Variants in TMEM41B observed in about 807,000 individuals in gnomAD.
TMEM41B encodes the protein transmembrane protein 41B.
Under a neutral mutation model 31.9 loss-of-function variants are expected in TMEM41B, and 18 were observed. The observed-to-expected ratio is 0.56, with a 90% confidence interval of 0.39 to 0.84. The LOEUF is 0.84. Ranked by LOEUF, TMEM41B falls within the 40% of genes least tolerant of loss-of-function variation. TMEM41B has a pLI of 0.00. For synonymous variants in TMEM41B, 144 were observed against 124.3 expected (o/e 1.16, Z -1.05); for missense variants, 322 against 348.0 (o/e 0.93, Z 0.59).
intron 3 of TMEM41B, among the ~76,000 whole-genome samples, chr11:9,291,057 A>C (rs1852946894): frequency 6.6e-6 from 1 of 152,126 alleles, no homozygotes. Context: ...CAGACGTTGT[A>C]GTGAGCCGAG....
Position 9,283,364 on chromosome 11 carries a change from G to T in TMEM41B, c.*60C>A, listed in dbSNP as rs1852764470. 7.6e-7 allele frequency: 1 copy of T among 1,319,822 alleles called. No homozygotes were observed. The highest frequency in any genetic ancestry group is 1.0e-6 in the Non-Finnish European group (1 of 956,160). The allele number at this position is 1,319,822 out of a possible 1,614,324, so 81.8% of individuals were successfully genotyped here. On this transcript the variant is annotated 3_prime_UTR_variant, in exon 7 of 7. Coordinates refer to ENST00000528080, the MANE Select transcript of TMEM41B (RefSeq NM_015012.4). Reference sequence around the variant, plus strand: ...AAGAGGTGATTTTAAAACATAAATGGATGCACCTGTTAATCCTGAGATGGT... The same window carrying T: ...AAGAGGTGATTTTAAAACATAAATGTATGCACCTGTTAATCCTGAGATGGT...
intron 3 of TMEM41B, among the ~76,000 whole-genome samples, chr11:9,293,670 C>A (rs1285376559): frequency 6.6e-6 from 1 of 152,112 alleles, no homozygotes. Context: ...CAACCTCCAC[C>A]TCCTGGGTTC....
At position 9,302,817 on chromosome 11, in the gene TMEM41B, G is replaced by A. The variant is rs369630305; in HGVS notation, c.122-3116C>T. 9.1e-5 allele frequency among the ~76,000 whole-genome samples: 9 copies of A among 98,930 alleles called. 4 individuals carry two copies. The South Asian group carries it at 9.5e-4, about 10-fold the overall frequency. 64.9% of individuals were successfully genotyped at this position (98,930 alleles called of 152,430 possible). On this transcript the variant is annotated intron_variant, in intron 1 of 6. Transcript: ENST00000528080. ...ATCTGGCCCACTTTTACAAGTAAGA[G>A]GCCCAAAGAAGAAGGGTATACTATT...
At position 9,286,420 on chromosome 11, in the gene TMEM41B, G is replaced by C. The variant is rs748969765; in HGVS notation, c.706+35C>G. 1.9e-6 allele frequency: 3 copies of C among 1,588,410 alleles called. No individual in the cohort carries two copies. In the Admixed American group the frequency reaches 5.4e-5, roughly 29 times the overall value. ...CTGGACACTGTTAGATATGTACACAGTGAGCTCATACACAGCAAGAACCAG... is the reference window on the plus strand; with the variant it reads ...CTGGACACTGTTAGATATGTACACACTGAGCTCATACACAGCAAGAACCAG... On this transcript the variant is annotated intron_variant, in intron 6 of 6. Coordinates refer to ENST00000528080, the MANE Select transcript of TMEM41B (RefSeq NM_015012.4).
chr11:9,301,813 C>T, intron 1 of TMEM41B, among the ~76,000 whole-genome samples: 1 of 152,066 alleles, frequency 6.6e-6, no homozygotes, highest in East Asian at 1.9e-4. Context: ...TGGTGGAGGA[C>T]ACAGTAAGCC....
chr11:9,312,210 C>T (rs953644451), intron 1 of TMEM41B, among the ~76,000 whole-genome samples: 1 of 152,222 alleles, frequency 6.6e-6, no homozygotes, highest in Non-Finnish European at 1.5e-5. Flanking sequence ...CTTCCCTTCT[C>T]TTTACTTATC....
At chr11:9,297,895 T>C (rs1429839045) in intron 2 of TMEM41B, among the ~76,000 whole-genome samples, 2 of 150,230 alleles carry the variant, frequency 1.3e-5, no homozygotes, top group African/African-American at 4.9e-5. Flanking sequence ...ACCCACCCTG[T>C]CTCTACAAAA....
chr11:9,295,170 A>C, intron 3 of TMEM41B, 89 bp downstream of exon 3: 1 of 1,248,194 alleles, frequency 8.0e-7, no homozygotes, highest in Non-Finnish European at 1.0e-6. Context: ...AAATTTTAAA[A>C]GGAAAATAGT....
chr11:9,284,776 A>AAAAT (rs112683742), intron 6 of TMEM41B, among the ~76,000 whole-genome samples: 1 of 151,232 alleles, frequency 6.6e-6, no homozygotes, highest in South Asian at 2.1e-4. Context: ...AAGAGAAAAA[A>AAAAT]AAAGAAAGAA....
intron 1 of TMEM41B, chr11:9,311,546 C>T (rs1363895271): frequency 9.8e-6 from 12 of 1,222,870 alleles, no homozygotes; most frequent in Admixed American, 8.6e-5. Context: ...AATTGCCTTG[C>T]GGAGCTCCTG....
chr11:9,311,310 G>C, intron 1 of TMEM41B: 1 of 1,524,666 alleles, frequency 6.6e-7, no homozygotes, highest in Non-Finnish European at 9.0e-7. Context: ...AGAGGAGGAG[G>C]AATGCTTGCT....
At chr11:9,305,711 G>T (rs1400873290) in intron 1 of TMEM41B, among the ~76,000 whole-genome samples, 2 of 152,010 alleles carry the variant, frequency 1.3e-5, no homozygotes, top group Non-Finnish European at 2.9e-5. Flanking sequence ...CAATTAACTT[G>T]CCCCAGCCCA....
chr11:9,311,948 A>T (rs942026623), intron 1 of TMEM41B, among the ~76,000 whole-genome samples: 4 of 152,224 alleles, frequency 2.6e-5, no homozygotes, highest in Non-Finnish European at 5.9e-5. Context: ...AAACAGTTCA[A>T]ACATACATAT....
rs759143846 is a variant in TMEM41B at position 9,286,436 on chromosome 11, C to G, written c.706+19G>C. ...ATGTACACAGTGAGCTCATACACAG[C>G]AAGAACCAGAGGGCTTACCTAGAAA... On this transcript the variant is annotated intron_variant, in intron 6 of 6. Transcript: ENST00000528080. 2 of 1,601,384 alleles carry G rather than the reference C, an allele frequency of 1.2e-6. No individual in the cohort carries two copies. Among genetic ancestry groups the G allele is most frequent in the Non-Finnish European group, 1.7e-6 (2 of 1,174,426 alleles).
intron 1 of TMEM41B, among the ~76,000 whole-genome samples, chr11:9,309,803 T>C (rs894213812): frequency 1.0e-4 from 15 of 150,730 alleles, no homozygotes; most frequent in African/African-American, 3.6e-4. Context: ...GTGCCTGTAG[T>C]CCCAGCTACT....
At position 9,294,286 on chromosome 11, in the gene TMEM41B, G is replaced by A. The variant is rs1487920167; in HGVS notation, c.368+973C>T. On this transcript the variant is annotated intron_variant, in intron 3 of 6. Coordinates refer to ENST00000528080, the MANE Select transcript of TMEM41B (RefSeq NM_015012.4). The stretch of plus-strand genomic sequence containing the variant: ...GAGATGGGCAGATCACCTGAGGTCA[G>A]GGGTTCCAGACGACCCTGGCCAACA... Among the ~76,000 whole-genome samples, 5 of 151,106 alleles carry A rather than the reference G, an allele frequency of 3.3e-5. No homozygotes were observed. In the South Asian group the frequency reaches 8.3e-4, roughly 25 times the overall value.
intron 2 of TMEM41B, 109 bp downstream of exon 2, chr11:9,299,475 G>A (rs997796277): frequency 8.3e-6 from 6 of 725,216 alleles, no homozygotes; most frequent in Admixed American, 2.8e-5. Context: ...CACCCACCTC[G>A]GCCTCCCAAA....
chr11:9,300,615 A>C (rs1853227703), intron 1 of TMEM41B, among the ~76,000 whole-genome samples: 1 of 152,192 alleles, frequency 6.6e-6, no homozygotes. Flanking sequence ...GCGGTGGCTC[A>C]CGCCTGTAAT....
At chr11:9,306,289 A>G (rs1853394434) in intron 1 of TMEM41B, among the ~76,000 whole-genome samples, 1 of 151,780 alleles carries the variant, frequency 6.6e-6, no homozygotes, top group African/African-American at 2.4e-5. Context: ...AGTACTCTGT[A>G]TTTAGTAACC....
Sources: gnomAD v4.1 joint callset for allele counts (sites outside exome capture counted in the v4.1 genomes callset) on GRCh38, gnomAD v4.1.1 for gene constraint, MANE v1.5 for transcripts, NCBI Gene and HGNC (gene_info 2026-07-23, HGNC 2026-07-21) for gene names.